Variants in DPYD observed in about 807,000 individuals in gnomAD.
DPYD encodes dihydropyrimidine dehydrogenase [NADP(+)].
DPYD carries 109 observed loss-of-function variants against 116.2 expected under a neutral mutation model. That is an observed-to-expected ratio of 0.94 (90% confidence interval 0.80 to 1.10). The LOEUF (loss-of-function observed/expected upper bound fraction) is 1.10, where lower values mean the gene tolerates loss of function less well. Among genes scored for constraint, DPYD ranks in the 50% least tolerant of loss-of-function variants. The probability of loss-of-function intolerance (pLI) is 0.00; values close to 1 mark genes in which losing one functional copy is unlikely to be tolerated. For missense variants in DPYD, 1,302 were observed against 1,254.5 expected (o/e 1.04, Z -0.57); for synonymous variants, 440 against 432.0 (o/e 1.02, Z -0.23).
intron 2 of DPYD, among the ~76,000 whole-genome samples, chr1:97,838,022 T>C (rs915876074): frequency 9.9e-5 from 15 of 152,082 alleles, no homozygotes; most frequent in African/African-American, 2.9e-4. Context: ...TTTTAGAAGA[T>C]ACAAAATAAA....
chr1:97,156,144 T>A (rs17116502), intron 20 of DPYD, among the ~76,000 whole-genome samples: 1 of 152,126 alleles, frequency 6.6e-6, no homozygotes, highest in Non-Finnish European at 1.5e-5. Flanking sequence ...TGATGGAAAA[T>A]TTTTAAATCT....
chr1:97,654,867 C>T (rs934423532), intron 8 of DPYD, among the ~76,000 whole-genome samples: 2 of 152,000 alleles, frequency 1.3e-5, no homozygotes, highest in African/African-American at 4.8e-5. Flanking sequence ...GCTGGGGAGG[C>T]CTCACAATCA....
intron 3 of DPYD, among the ~76,000 whole-genome samples, chr1:97,821,315 G>A (rs1337140508): frequency 1.9e-5 from 2 of 104,832 alleles, no homozygotes; most frequent in African/African-American, 3.9e-5. Flanking sequence ...TGGACAACAA[G>A]ACTGAAACTC....
At chr1:97,816,796 T>A (rs1243684888) in intron 3 of DPYD, among the ~76,000 whole-genome samples, 1 of 152,114 alleles carries the variant, frequency 6.6e-6, no homozygotes, top group Non-Finnish European at 1.5e-5. Context: ...ACTAATTACT[T>A]GAAAGAGTAA....
intron 20 of DPYD, among the ~76,000 whole-genome samples, chr1:97,107,259 T>C (rs1651235249): frequency 6.6e-6 from 1 of 152,104 alleles, no homozygotes; most frequent in African/African-American, 2.4e-5. Flanking sequence ...TCTTGACTTT[T>C]AAAATTACAT....
At chr1:97,424,433 G>A (rs1013408460) in intron 14 of DPYD, among the ~76,000 whole-genome samples, 3 of 151,998 alleles carry the variant, frequency 2.0e-5, no homozygotes, top group African/African-American at 7.2e-5. Flanking sequence ...CACTGTTCAG[G>A]CAAGACACAG....
At chr1:97,359,342 C>G (rs1354655988) in intron 16 of DPYD, among the ~76,000 whole-genome samples, 1 of 152,136 alleles carries the variant, frequency 6.6e-6, no homozygotes, top group African/African-American at 2.4e-5. Flanking sequence ...ATTGGTGTAC[C>G]TGAAAGTGAT....
At chr1:97,248,097 C>T (rs1055824856) in intron 18 of DPYD, among the ~76,000 whole-genome samples, 1 of 152,114 alleles carries the variant, frequency 6.6e-6, no homozygotes, top group African/African-American at 2.4e-5. Flanking sequence ...ACTCAAATAT[C>T]TGTATTAAAT....
At chr1:97,285,941 G>C (rs575918889) in intron 18 of DPYD, among the ~76,000 whole-genome samples, 1 of 152,174 alleles carries the variant, frequency 6.6e-6, no homozygotes, top group Non-Finnish European at 1.5e-5. Context: ...ATATTGTTAT[G>C]TGTGAATTTG....
At chr1:97,632,157 C>G (rs1280311283) in intron 8 of DPYD, among the ~76,000 whole-genome samples, 1 of 152,086 alleles carries the variant, frequency 6.6e-6, no homozygotes, top group Non-Finnish European at 1.5e-5. Flanking sequence ...CAATCACTAC[C>G]TCATTACCAG....
chr1:97,282,741 C>T lies in DPYD; in HGVS notation c.2299+22518G>A, dbSNP rs192606364. ...CTCCTAACCTCCTCTCTCAAATAGG[C>T]CCCAGTGTCTATTGCTCCCTTCTTT... On this transcript the variant is annotated intron_variant, in intron 18 of 22. Coordinates refer to ENST00000370192, the MANE Select transcript of DPYD (RefSeq NM_000110.4). Among the ~76,000 whole-genome samples, 756 of 152,148 alleles carry T rather than the reference C, an allele frequency of 5.0e-3. 11 individuals are homozygous for T. The highest frequency in any genetic ancestry group is 6.9e-3 in the Non-Finnish European group (467 of 67,980).
intron 20 of DPYD, among the ~76,000 whole-genome samples, chr1:97,155,527 T>C (rs1655382579): frequency 6.6e-6 from 1 of 152,204 alleles, no homozygotes; most frequent in South Asian, 2.1e-4. Context: ...ATTATCCTAA[T>C]ACACTGAAAG....
At chr1:97,361,325 CA>C (rs1216546884) in intron 16 of DPYD, among the ~76,000 whole-genome samples, 1 of 151,934 alleles carries the variant, frequency 6.6e-6, no homozygotes, top group Non-Finnish European at 1.5e-5. Flanking sequence ...GCCTACCAAC[CA>C]AAAAAAGTCC....
chr1:97,357,455 T>C (rs184640759), intron 16 of DPYD, among the ~76,000 whole-genome samples: 69 of 152,256 alleles, frequency 4.5e-4, no homozygotes, highest in East Asian at 2.9e-3. Context: ...GCTTTTCCTA[T>C]TTGCATGCAT....
intron 4 of DPYD, among the ~76,000 whole-genome samples, chr1:97,725,667 A>T (rs553159366): frequency 6.6e-6 from 1 of 151,656 alleles, no homozygotes; most frequent in South Asian, 2.1e-4. Context: ...TTAATTTTTG[A>T]AAAAGGTTTC....
chr1:97,359,981 G>A (rs917068666), intron 16 of DPYD, among the ~76,000 whole-genome samples: 9 of 152,214 alleles, frequency 5.9e-5, no homozygotes, highest in East Asian at 3.9e-4. Flanking sequence ...ATGTAAATGG[G>A]CTAAATGTTC....
Position 97,422,943 on chromosome 1 carries a change from T to TCAC in DPYD, c.1905+27113_1905+27115dup, listed in dbSNP as rs564644106. On this transcript the variant is annotated intron_variant, in intron 14 of 22. Transcript: ENST00000370192. ...TAGAAGTGACATGAAAATGGAAATT[T>TCAC]CACAGATGAGCTGGAATCTGTTTTG... 2.4e-3 allele frequency among the ~76,000 whole-genome samples: 363 copies of TCAC among 152,220 alleles called. 2 individuals are homozygous for TCAC. The highest frequency in any genetic ancestry group is 0.01 in the Middle Eastern group (3 of 294).
In DPYD at chr1:97,735,633, C is replaced by T. The variant is rs79439995; in HGVS notation, c.321+4759G>A. ...AACCCGGGAGGCGGAGCTTGCAGTG[C>T]GCAGAGATTGCGCCACTGCACTTCA... On this transcript the variant is annotated intron_variant, in intron 4 of 22. Transcript: ENST00000370192. Among the ~76,000 whole-genome samples the T allele has an allele frequency of 4.5e-3, 676 of 150,048 alleles. 3 individuals are homozygous for T. Among genetic ancestry groups the T allele is most frequent in the Admixed American group, 7.2e-3 (109 of 15,088 alleles).
At chr1:97,214,476 A>G (rs910691803) in intron 19 of DPYD, among the ~76,000 whole-genome samples, 4 of 152,242 alleles carry the variant, frequency 2.6e-5, no homozygotes, top group African/African-American at 9.6e-5. Flanking sequence ...GAAATTGTGT[A>G]TAACTTTATG....
Sources: gnomAD v4.1 joint callset for allele counts (sites outside exome capture counted in the v4.1 genomes callset) on GRCh38, gnomAD v4.1.1 for gene constraint, MANE v1.5 for transcripts, NCBI Gene and HGNC (gene_info 2026-07-23, HGNC 2026-07-21) for gene names.